RGS7: variants seen among roughly 807,000 people sequenced by gnomAD.
RGS7 encodes the protein regulator of G-protein signaling 7.
RGS7 carries 27 observed loss-of-function variants against 81.1 expected under a neutral mutation model. That is an observed-to-expected ratio of 0.33 (90% CI 0.25 to 0.46). RGS7 has a LOEUF of 0.46. RGS7 is among the 20% of genes least tolerant of loss of function. The pLI is 1.00. For missense variants in RGS7, 396 were observed against 607.4 expected, an observed-to-expected ratio of 0.65 and a Z score of 3.66; for synonymous variants, 208 against 207.7, an observed-to-expected ratio of 1.00 and a Z score of -0.01.
At chr1:241,221,057 A>AAGAAAGAAAGAG (rs1218363622) in intron 2 of RGS7, among the ~76,000 whole-genome samples, 2 of 125,740 alleles carry the variant, frequency 1.6e-5, no homozygotes, top group Admixed American at 7.8e-5. Context: ...GAAAGAAAGA[A>AAGAAAGAAAGAG]AGAGAGAGAG....
At chr1:241,078,270 A>G (rs1441359773) in intron 3 of RGS7, among the ~76,000 whole-genome samples, 1 of 147,598 alleles carries the variant, frequency 6.8e-6, no homozygotes, top group African/African-American at 2.5e-5. Context: ...AACATATAAC[A>G]TATTTTTCCT....
intron 2 of RGS7, among the ~76,000 whole-genome samples, chr1:241,254,052 T>C (rs941110737): frequency 6.6e-6 from 1 of 151,720 alleles, no homozygotes; most frequent in Non-Finnish European, 1.5e-5. Context: ...TACAAAAAAT[T>C]AGTTGGATGT....
At chr1:240,884,184 C>G (rs960996904) in intron 6 of RGS7, among the ~76,000 whole-genome samples, 1 of 150,084 alleles carries the variant, frequency 6.7e-6, no homozygotes, top group Non-Finnish European at 1.5e-5. Context: ...GAAAAATTAA[C>G]GTGTTAGATA....
At chr1:241,039,181 T>C (rs997642914) in intron 3 of RGS7, among the ~76,000 whole-genome samples, 2 of 152,146 alleles carry the variant, frequency 1.3e-5, no homozygotes, top group African/African-American at 4.8e-5. Flanking sequence ...CAAGAATCTG[T>C]AGTTGCATTG....
intron 3 of RGS7, among the ~76,000 whole-genome samples, chr1:241,068,522 T>C (rs2062232683): frequency 6.6e-6 from 1 of 151,872 alleles, no homozygotes; most frequent in Non-Finnish European, 1.5e-5. Flanking sequence ...TTACTGCAGA[T>C]GAGGAAACAG....
At position 241,312,814 on chromosome 1, in the gene RGS7, G is replaced by A. The variant is rs1324797755; in HGVS notation, c.78+42885C>T. On this transcript the variant is annotated intron_variant, in intron 2 of 18. Coordinates refer to ENST00000440928, the MANE Select transcript of RGS7 (RefSeq NM_001364886.1). The stretch of plus-strand genomic sequence containing the variant: ...AAAAGCCAGAAGCATGAAGCTTCAT[G>A]AGAGAGGCATGTAGAAAGCTAAGAT... Among the ~76,000 whole-genome samples, 5 of 151,830 alleles carry A rather than the reference G, an allele frequency of 3.3e-5. 1 individual carries two copies. In the East Asian group the frequency reaches 9.7e-4, roughly 29 times the overall value.
intron 3 of RGS7, 89 bp downstream of exon 3, chr1:241,098,577 G>C: frequency 1.2e-6 from 1 of 851,970 alleles, no homozygotes; most frequent in African/African-American, 1.7e-5. Context: ...ATTAGAGACA[G>C]AGTTTCAATA....
intron 18 of RGS7, among the ~76,000 whole-genome samples, chr1:240,784,013 T>TAAAAAAA (rs71172645): frequency 2.4e-5 from 2 of 83,380 alleles, no homozygotes; most frequent in African/African-American, 1.0e-4. Context: ...CTGTCTCTAC[T>TAAAAAAA]AAAAAAAAAA....
chr1:240,987,751 A>G (rs1685890120), intron 3 of RGS7, among the ~76,000 whole-genome samples: 1 of 151,958 alleles, frequency 6.6e-6, no homozygotes, highest in Admixed American at 6.6e-5. Context: ...ACTTGTCTTG[A>G]AATCCTGGCC....
intron 6 of RGS7, among the ~76,000 whole-genome samples, chr1:240,906,247 T>C (rs1572696395): frequency 1.3e-5 from 2 of 152,306 alleles, no homozygotes; most frequent in East Asian, 1.9e-4. Flanking sequence ...ATCTGTGCTT[T>C]GGATAGCCCA....
chr1:241,134,526 T>C (rs546898565), intron 2 of RGS7, among the ~76,000 whole-genome samples: 5 of 152,300 alleles, frequency 3.3e-5, no homozygotes, highest in Non-Finnish European at 5.9e-5. Context: ...CTGGACTGAA[T>C]ACTGAATTAG....
In RGS7 at chr1:240,994,829, T is replaced by C. The variant is rs562551836; in HGVS notation, c.176-11700A>G. 2.0e-5 allele frequency among the ~76,000 whole-genome samples: 3 copies of C among 152,234 alleles called. No homozygotes were observed. In the South Asian group the frequency reaches 6.2e-4, roughly 32 times the overall value. On this transcript the variant is annotated intron_variant, in intron 3 of 18. Transcript: ENST00000440928. Reference sequence around the variant, plus strand: ...AGACTGTGTCTCCCTCTATTGTCCATGCTTGGCTAATTTTTTAAATTTTTG... The same window carrying C: ...AGACTGTGTCTCCCTCTATTGTCCACGCTTGGCTAATTTTTTAAATTTTTG...
rs114167207 is a variant in RGS7 at position 240,849,707 on chromosome 1, T to C, written c.609+18880A>G. On this transcript the variant is annotated intron_variant, in intron 9 of 18. Coordinates refer to ENST00000440928, the MANE Select transcript of RGS7 (RefSeq NM_001364886.1). ...CTCTCTCTTGCTCCTGCTCTCACTG[T>C]GTGATGTGCCTGCTCACCCCTTCGC... Among the ~76,000 whole-genome samples the C allele has an allele frequency of 4.6e-3, 696 of 152,268 alleles. 7 individuals carry two copies. The highest frequency in any genetic ancestry group is 0.016 in the African/African-American group (671 of 41,566).
intron 3 of RGS7, among the ~76,000 whole-genome samples, chr1:241,030,590 ATC>A (rs1384294665): frequency 6.7e-6 from 1 of 150,106 alleles, no homozygotes; most frequent in African/African-American, 2.5e-5. Context: ...GCCTTGACCT[ATC>A]TCTCTTTTCC....
intron 18 of RGS7, among the ~76,000 whole-genome samples, chr1:240,779,234 A>G (rs1414871317): frequency 2.6e-5 from 4 of 151,178 alleles, no homozygotes; most frequent in African/African-American, 9.7e-5. Flanking sequence ...GAGGGCCTCA[A>G]ATTGCTTGAG....
intron 2 of RGS7, among the ~76,000 whole-genome samples, chr1:241,203,315 T>C (rs2686236): frequency 0.82 from 124,402 of 151,876 alleles, 51,024 homozygotes; most frequent in Admixed American, 0.86. Context: ...TCACTGCAAC[T>C]TCCACCTCCC....
chr1:241,221,952 T>C (rs1438499138), intron 2 of RGS7, among the ~76,000 whole-genome samples: 2 of 152,088 alleles, frequency 1.3e-5, no homozygotes, highest in African/African-American at 2.4e-5. Flanking sequence ...ATACACTTTA[T>C]ACACACACAC....
At chr1:241,062,508 G>A (rs938622612) in intron 3 of RGS7, among the ~76,000 whole-genome samples, 1 of 152,198 alleles carries the variant, frequency 6.6e-6, no homozygotes, top group Non-Finnish European at 1.5e-5. Context: ...TCTCTCAATG[G>A]AAGTTAATAG....
chr1:240,907,407 G>A (rs1670994599), intron 6 of RGS7, among the ~76,000 whole-genome samples: 1 of 151,694 alleles, frequency 6.6e-6, no homozygotes, highest in Non-Finnish European at 1.5e-5. Flanking sequence ...ATAGTAAATA[G>A]AAATAAAATA....
Sources: allele counts gnomAD v4.1 joint callset (sites outside exome capture counted in the v4.1 genomes callset), GRCh38; gene constraint gnomAD v4.1.1; transcripts MANE v1.5; gene names NCBI Gene and HGNC (gene_info 2026-07-23, HGNC 2026-07-21).